Variants in FCHSD2 observed in about 807,000 individuals in gnomAD.
FCHSD2 encodes FCH and double SH3 domains 2.
FCHSD2 carries 38 observed loss-of-function variants against 108.1 expected under a neutral mutation model. The ratio of observed to expected loss-of-function variants is 0.35; its 90% confidence interval spans 0.27 to 0.46. The LOEUF (loss-of-function observed/expected upper bound fraction) is 0.46, where lower values mean the gene tolerates loss of function less well. FCHSD2 is among the 20% of genes least tolerant of loss of function. The pLI is 1.00. For missense variants in FCHSD2, 751 were observed against 897.8 expected (o/e 0.84, Z 2.09); for synonymous variants, 279 against 314.7 (o/e 0.89, Z 1.20).
rs1857963655 is a variant in FCHSD2, at chr11:73,016,009, A to AAAAC, written c.166-128_166-125dup. 3 of 626,578 alleles carry AAAAC rather than the reference A, an allele frequency of 4.8e-6. No homozygotes were observed. In the East Asian group the frequency reaches 8.9e-5, roughly 19 times the overall value. The allele number at this position is 626,578 out of a possible 1,614,324, so 38.8% of individuals were successfully genotyped here. ...TGTAAATTTAATTCAGAAGTGAAAA[A>AAAAC]AAACAATGATAGGCTGCACGTGGTG... is the stretch of plus-strand genomic sequence containing the variant. On this transcript the variant is annotated intron_variant, in intron 3 of 19. Coordinates refer to ENST00000409418, the MANE Select transcript of FCHSD2 (RefSeq NM_014824.3).
chr11:72,937,528 AT>A (rs975736880), intron 8 of FCHSD2, among the ~76,000 whole-genome samples: 27 of 152,340 alleles, frequency 1.8e-4, no homozygotes, highest in African/African-American at 5.5e-4. Context: ...ATATGGGACC[AT>A]TAATGGAAAG....
chr11:72,944,020 A>G (rs1488558661), intron 8 of FCHSD2, among the ~76,000 whole-genome samples: 1 of 152,240 alleles, frequency 6.6e-6, no homozygotes, highest in African/African-American at 2.4e-5. Flanking sequence ...ATGAATAGAA[A>G]AAGAGGGAAT....
At chr11:72,863,646 A>G (rs1178749603) in intron 13 of FCHSD2, among the ~76,000 whole-genome samples, 5 of 152,238 alleles carry the variant, frequency 3.3e-5, no homozygotes, top group African/African-American at 1.2e-4. Flanking sequence ...AAATGCAATA[A>G]AAATAAAACA....
At chr11:73,058,597 C>CTT (rs765288070) in intron 3 of FCHSD2, among the ~76,000 whole-genome samples, 5 of 137,406 alleles carry the variant, frequency 3.6e-5, no homozygotes, top group South Asian at 4.6e-4. Context: ...TTTCATTTTC[C>CTT]TTTTTTTTTT....
intron 8 of FCHSD2, among the ~76,000 whole-genome samples, chr11:72,967,399 T>C (rs1856930342): frequency 6.6e-6 from 1 of 151,846 alleles, no homozygotes; most frequent in Non-Finnish European, 1.5e-5. Context: ...ATATGGTATA[T>C]CCATATCAAT....
intron 8 of FCHSD2, among the ~76,000 whole-genome samples, chr11:72,953,844 G>A (rs546034005): frequency 6.6e-6 from 1 of 152,194 alleles, no homozygotes; most frequent in South Asian, 2.1e-4. Context: ...TTAAGAGCTT[G>A]CTTGAGGAAA....
At chr11:73,007,226 T>C (rs1479409466) in intron 4 of FCHSD2, among the ~76,000 whole-genome samples, 1 of 152,214 alleles carries the variant, frequency 6.6e-6, no homozygotes, top group Non-Finnish European at 1.5e-5. Context: ...CATTCATCCA[T>C]ATACCACCTA....
intron 19 of FCHSD2, among the ~76,000 whole-genome samples, chr11:72,839,652 A>C (rs1340107271): frequency 6.6e-6 from 1 of 152,174 alleles, no homozygotes; most frequent in Non-Finnish European, 1.5e-5. Flanking sequence ...TGGGGGTTCC[A>C]TTTACCAAGA....
intron 8 of FCHSD2, among the ~76,000 whole-genome samples, chr11:72,961,841 T>G (rs1371262368): frequency 1.3e-5 from 2 of 152,240 alleles, no homozygotes; most frequent in African/African-American, 4.8e-5. Flanking sequence ...GTATGTAGTT[T>G]GTTTACTGTG....
intron 9 of FCHSD2, among the ~76,000 whole-genome samples, chr11:72,906,425 T>G (rs1240472363): frequency 1.3e-5 from 2 of 152,244 alleles, no homozygotes; most frequent in Non-Finnish European, 2.9e-5. Flanking sequence ...AGCTCTTTAG[T>G]TTAATTAGAT....
rs1855871866 is a variant in FCHSD2, at chr11:72,916,275, A to G, written c.828+5553T>C. 3.4e-5 allele frequency among the ~76,000 whole-genome samples: 5 copies of G among 148,552 alleles called. No individual in the cohort carries two copies. In the South Asian group the frequency reaches 1.1e-3, roughly 32 times the overall value. On this transcript the variant is annotated intron_variant, in intron 9 of 19. Transcript: ENST00000409418. ...AATCTTTTCAAAAAACTAGCTTTTA[A>G]TTTCATTGACCTTTTGGTACACAAC...
At chr11:72,903,015 A>G (rs1855557825) in intron 9 of FCHSD2, among the ~76,000 whole-genome samples, 1 of 152,146 alleles carries the variant, frequency 6.6e-6, no homozygotes, top group South Asian at 2.1e-4. Context: ...CTAAAATTGT[A>G]TGGGCCTCTT....
Position 73,006,747 on chromosome 11 carries a change from C to T in FCHSD2, c.243-5613G>A, listed in dbSNP as rs984018346. Among the ~76,000 whole-genome samples, 6 of 152,376 alleles carry T rather than the reference C, an allele frequency of 3.9e-5. No individual in the cohort carries two copies. In the East Asian group the frequency reaches 1.2e-3, roughly 29 times the overall value. Reference sequence around the variant, plus strand: ...ATATGTTTAATTATTCACTTGTTTACTGTTTGTCTTCCCTCATTAGAATGT... The same window carrying T: ...ATATGTTTAATTATTCACTTGTTTATTGTTTGTCTTCCCTCATTAGAATGT... On this transcript the variant is annotated intron_variant, in intron 4 of 19. Transcript: ENST00000409418.
chr11:72,901,207 C>G (rs1453653336), intron 10 of FCHSD2, among the ~76,000 whole-genome samples: 2 of 152,012 alleles, frequency 1.3e-5, no homozygotes, highest in Non-Finnish European at 2.9e-5. Context: ...GCCTGGGCAA[C>G]ATGGTGAGAC....
intron 3 of FCHSD2, among the ~76,000 whole-genome samples, chr11:73,057,958 C>A (rs951906261): frequency 3.3e-5 from 5 of 151,654 alleles, no homozygotes; most frequent in African/African-American, 7.3e-5. Flanking sequence ...TGGCTCACTG[C>A]AAGCTCCGCC....
chr11:72,875,105 A>G (rs1854940185), intron 12 of FCHSD2, among the ~76,000 whole-genome samples: 1 of 152,198 alleles, frequency 6.6e-6, no homozygotes, highest in South Asian at 2.1e-4. Context: ...TCTAATTTGG[A>G]CTAATTCATT....
rs374530499 is a variant in FCHSD2, at chr11:72,889,436, T to C, written c.1041+393A>G. ...TTAAGGAAATTCCAACATGAGTAGA[T>C]AGCTGACAGCACACTGCTGAGTGTT... On this transcript the variant is annotated intron_variant, in intron 11 of 19. Transcript: ENST00000409418. 5.9e-5 allele frequency among the ~76,000 whole-genome samples: 9 copies of C among 152,280 alleles called. No individual in the cohort carries two copies. The South Asian group carries it at 6.2e-4, about 11-fold the overall frequency.
intron 9 of FCHSD2, among the ~76,000 whole-genome samples, chr11:72,909,939 G>A (rs957416969): frequency 6.9e-5 from 10 of 144,740 alleles, no homozygotes; most frequent in Non-Finnish European, 3.0e-5. Flanking sequence ...GAGATGTGAG[G>A]AGTACCTCTG....
intron 8 of FCHSD2, among the ~76,000 whole-genome samples, chr11:72,957,913 T>C (rs1005861302): frequency 3.3e-5 from 5 of 152,206 alleles, no homozygotes; most frequent in African/African-American, 1.2e-4. Flanking sequence ...CTTGCAATTT[T>C]TCTACAAGTT....
Sources: allele counts gnomAD v4.1 joint callset (sites outside exome capture counted in the v4.1 genomes callset), GRCh38; gene constraint gnomAD v4.1.1; transcripts MANE v1.5; gene names NCBI Gene and HGNC (gene_info 2026-07-23, HGNC 2026-07-21).